The following PRKCE variants were observed in gnomAD, a reference collection of about 807,000 sequenced individuals.
The protein encoded by PRKCE is protein kinase C epsilon type.
Under a neutral mutation model 85.4 loss-of-function variants are expected in PRKCE, and 16 were observed. The observed-to-expected ratio is 0.19, with a 90% CI of 0.13 to 0.28. PRKCE has a LOEUF of 0.28. Among genes scored for constraint, PRKCE ranks in the 10% least tolerant of loss-of-function variants. The probability of loss-of-function intolerance (pLI) is 1.00; values close to 1 mark genes in which losing one functional copy is unlikely to be tolerated. For synonymous variants in PRKCE, 388 were observed against 371.5 expected (o/e 1.04, Z -0.51); for missense variants, 573 against 975.2 (o/e 0.59, Z 5.49).
intron 1 of PRKCE, among the ~76,000 whole-genome samples, chr2:45,791,451 G>T (rs1027699489): frequency 6.6e-6 from 1 of 152,120 alleles, no homozygotes; most frequent in African/African-American, 2.4e-5. Flanking sequence ...CTAGTTTCAG[G>T]CTACCCTGTG....
At chr2:46,158,997 GT>G (rs766855319) in intron 13 of PRKCE, among the ~76,000 whole-genome samples, 12 of 152,054 alleles carry the variant, frequency 7.9e-5, no homozygotes, top group Non-Finnish European at 1.6e-4. Flanking sequence ...TCTTTTTCTT[GT>G]TTTTTATCTT....
intron 2 of PRKCE, among the ~76,000 whole-genome samples, chr2:45,949,445 G>T: frequency 8.6e-6 from 1 of 116,194 alleles, no homozygotes. Flanking sequence ...TTTTCCTTGA[G>T]GGTAGGAGTT....
chr2:45,736,546 TC>T (rs1208935574), intron 1 of PRKCE, among the ~76,000 whole-genome samples: 1 of 152,190 alleles, frequency 6.6e-6, no homozygotes, highest in African/African-American at 2.4e-5. Flanking sequence ...TTTCCTAAGT[TC>T]CCCTGCCCTG....
At chr2:46,129,366 A>G (rs1352367159) in intron 11 of PRKCE, among the ~76,000 whole-genome samples, 2 of 152,220 alleles carry the variant, frequency 1.3e-5, no homozygotes, top group Non-Finnish European at 2.9e-5. Flanking sequence ...AAACAAGGGC[A>G]TGGACCAGAG....
At chr2:45,882,367 G>C (rs1212028449) in intron 2 of PRKCE, among the ~76,000 whole-genome samples, 1 of 152,230 alleles carries the variant, frequency 6.6e-6, no homozygotes, top group Non-Finnish European at 1.5e-5. Flanking sequence ...TTGTACACAA[G>C]CATCACACGT....
chr2:46,123,424 G>C (rs1558479186), intron 11 of PRKCE, among the ~76,000 whole-genome samples: 3 of 151,972 alleles, frequency 2.0e-5, no homozygotes. Context: ...TGGATGATTT[G>C]TCGTGTTTAC....
rs148930916 is a variant in PRKCE, at chr2:45,800,793, A to T, written c.349-42207A>T. Among the ~76,000 whole-genome samples the T allele has an allele frequency of 2.0e-5, 3 of 152,336 alleles. No individual in the cohort carries two copies. The East Asian group carries it at 5.8e-4, about 29-fold the overall frequency. On this transcript the variant is annotated intron_variant, in intron 1 of 14. Coordinates refer to ENST00000306156, the MANE Select transcript of PRKCE (RefSeq NM_005400.3). ...AGAGCTGGCTTCCTTCGGCCCGTAA[A>T]TCTTCACTAATTATCTCCTATGCAC...
Position 45,651,997 on chromosome 2 carries a change from G to T in PRKCE, c.-104G>T. ...AGGGAGTGTGCGGGGTGGGGCGAAA[G>T]GGGACCCAAGAGTCCCTGTGGCTCG... On this transcript the variant is annotated 5_prime_UTR_variant, in exon 1 of 15. It adds an upstream start codon to the 5' untranslated region. Coordinates refer to ENST00000306156, the MANE Select transcript of PRKCE (RefSeq NM_005400.3). 1.1e-6 allele frequency: 1 copy of T among 907,920 alleles called. No homozygotes were observed. The highest frequency in any genetic ancestry group is 2.5e-5 in the East Asian group (1 of 40,670). 56.2% of individuals were successfully genotyped at this position (907,920 alleles called of 1,614,324 possible).
At chr2:45,833,854 G>A (rs559961141) in intron 1 of PRKCE, among the ~76,000 whole-genome samples, 2 of 152,298 alleles carry the variant, frequency 1.3e-5, no homozygotes, top group African/African-American at 4.8e-5. Flanking sequence ...TCTGCTATTA[G>A]TGCTCACCTA....
At position 45,745,972 on chromosome 2, in the gene PRKCE, T is replaced by C. The variant is rs536956109; in HGVS notation, c.348+93524T>C. ...ACTTTTACCATGCTAAGATGTTTTT[T>C]CTTTTTTTGTAAATTAGCTTGTTAA... On this transcript the variant is annotated intron_variant, in intron 1 of 14. Transcript: ENST00000306156. Among the ~76,000 whole-genome samples the C allele has an allele frequency of 2.6e-5, 4 of 152,340 alleles. No homozygotes were observed. In the South Asian group the frequency reaches 8.3e-4, roughly 32 times the overall value.
rs780711112 is a variant in PRKCE at position 46,184,844 on chromosome 2, A to G, written c.2177A>G (p.Lys726Arg). The change falls in exon 15 of 15, where the codon AAA becomes AGA. Residue 726 changes from lysine (K) to arginine (R), a missense_variant. Physicochemically the swap from Lys to Arg is conservative, Grantham distance 26. Around this residue, in one of 11 missense-constraint regions of PRKCE, gnomAD observed 45 missense variants for 39.1 expected, o/e 1.15. Coordinates refer to ENST00000306156, the MANE Select transcript of PRKCE (RefSeq NM_005400.3). The surrounding 1 kb of genome is among the most constrained non-coding windows in gnomAD (Gnocchi z 5.0). ...AAGCAGATCAACCAGGAGGAATTCAAAGGTTTCTCCTACTTTGGTGAAGAC... is the reference window on the plus strand; with the variant it reads ...AAGCAGATCAACCAGGAGGAATTCAGAGGTTTCTCCTACTTTGGTGAAGAC... ...IVKQINQEEF[K>R]GFSYFGEDLM... 1.3e-6 allele frequency: 2 copies of G among 1,599,768 alleles called. No homozygotes were observed.
rs1685584064 is a variant in PRKCE, at chr2:45,774,354, T to A, written c.349-68646T>A. On this transcript the variant is annotated intron_variant, in intron 1 of 14. Transcript: ENST00000306156. This position sits in a 1 kb window ranked among gnomAD's most constrained non-coding sequence, Gnocchi z 4.3. ...TCCCAGCCTTCCACTGTGGAAGTGC[T>A]CACTAAATAGGTGTTGAACGGAGGT... Among the ~76,000 whole-genome samples the A allele has an allele frequency of 6.6e-6, 1 of 152,182 alleles. No homozygotes were observed.
intron 6 of PRKCE, among the ~76,000 whole-genome samples, chr2:45,996,436 G>C (rs529283905): frequency 6.6e-6 from 1 of 152,164 alleles, no homozygotes; most frequent in South Asian, 2.1e-4. Flanking sequence ...TCCTTTTTGT[G>C]TTCCTGATCT....
chr2:45,984,480 G>C (rs1057051098), intron 5 of PRKCE, 71 bp from the exon 6 acceptor site: 11 of 1,559,498 alleles, frequency 7.1e-6, no homozygotes, highest in African/African-American at 2.7e-5. Flanking sequence ...AGTTCTTTGA[G>C]AGTTCCGTTG....
intron 1 of PRKCE, among the ~76,000 whole-genome samples, chr2:45,722,043 A>C (rs1222024244): frequency 6.6e-6 from 1 of 151,972 alleles, no homozygotes; most frequent in Non-Finnish European, 1.5e-5. Flanking sequence ...TTTGGGGTAC[A>C]CCTATCCATA....
intron 2 of PRKCE, among the ~76,000 whole-genome samples, chr2:45,912,671 C>A (rs1322910337): frequency 6.6e-6 from 1 of 152,090 alleles, no homozygotes; most frequent in African/African-American, 2.4e-5. Flanking sequence ...AGGAACGCAC[C>A]TTAGAAGCGC....
chr2:46,010,821 C>G (rs962973678), intron 10 of PRKCE: 2 of 1,565,184 alleles, frequency 1.3e-6, no homozygotes, highest in Admixed American at 1.8e-5. Flanking sequence ...TGTGGTTAGT[C>G]CTTGCTCTGC....
chr2:45,847,019 A>T (rs1163413366), intron 2 of PRKCE, among the ~76,000 whole-genome samples: 2 of 152,250 alleles, frequency 1.3e-5, no homozygotes, highest in African/African-American at 4.8e-5. Context: ...GGACATGTTC[A>T]CAAGGGCCAA....
intron 1 of PRKCE, among the ~76,000 whole-genome samples, chr2:45,685,046 T>C (rs1677194926): frequency 6.6e-6 from 1 of 152,010 alleles, no homozygotes; most frequent in Non-Finnish European, 1.5e-5. Context: ...GGTCTGAAAA[T>C]TGGCCAAAAG....
Sources: gnomAD v4.1 joint callset for allele counts (sites outside exome capture counted in the v4.1 genomes callset) on GRCh38, gnomAD v4.1.1 for gene constraint, gnomAD v4.1.1 regional missense constraint, Gnocchi (gnomAD v3.1) non-coding constraint, MANE v1.5 for transcripts, NCBI Gene and HGNC (gene_info 2026-07-23, HGNC 2026-07-21) for gene names.